The following INPP5F variants were observed in gnomAD, a reference collection of about 807,000 sequenced individuals.
INPP5F encodes the protein inositol polyphosphate-5-phosphatase F, also known as phosphatidylinositide 4-phosphatase SAC2.
A neutral mutation model predicts 137.2 loss-of-function variants in INPP5F; 97 were observed. The observed-to-expected ratio is 0.71, with a 90% CI of 0.60 to 0.84. The LOEUF is 0.84. Ranked by LOEUF, INPP5F falls within the 40% of genes least tolerant of loss-of-function variation. INPP5F has a pLI of 0.00. For synonymous variants in INPP5F, 504 were observed against 476.9 expected (o/e 1.06, Z -0.74); for missense variants, 1,271 against 1,371.9 (o/e 0.93, Z 1.16).
At chr10:119,738,189 G>A (rs1055841190) in intron 1 of INPP5F, among the ~76,000 whole-genome samples, 5 of 152,158 alleles carry the variant, frequency 3.3e-5, no homozygotes, top group African/African-American at 1.2e-4. Flanking sequence ...TTATGACTTA[G>A]GGTGTATGTT....
At chr10:119,739,576 C>T (rs1047626392) in intron 1 of INPP5F, among the ~76,000 whole-genome samples, 7 of 152,116 alleles carry the variant, frequency 4.6e-5, no homozygotes, top group Non-Finnish European at 1.0e-4. Flanking sequence ...TGTAAATAGC[C>T]ATAGAATTAA....
intron 1 of INPP5F, among the ~76,000 whole-genome samples, chr10:119,730,685 C>G (rs1256906340): frequency 6.6e-6 from 1 of 152,110 alleles, no homozygotes; most frequent in Non-Finnish European, 1.5e-5. Flanking sequence ...TGTTCTGAGA[C>G]TGAGCGACCA....
intron 3 of INPP5F, among the ~76,000 whole-genome samples, chr10:119,783,404 C>T (rs1346762765): frequency 6.6e-6 from 1 of 152,150 alleles, no homozygotes; most frequent in Non-Finnish European, 1.5e-5. Flanking sequence ...AGATGGGAAC[C>T]AGCCCGCCCA....
chr10:119,746,430 T>C (rs1201118944), intron 1 of INPP5F, among the ~76,000 whole-genome samples: 1 of 152,184 alleles, frequency 6.6e-6, no homozygotes, highest in Non-Finnish European at 1.5e-5. Flanking sequence ...TAGCTGGAGC[T>C]CTTTCCTTAG....
At chr10:119,817,846 A>T (rs1851339584) in intron 15 of INPP5F, among the ~76,000 whole-genome samples, 1 of 152,242 alleles carries the variant, frequency 6.6e-6, no homozygotes, top group Non-Finnish European at 1.5e-5. Flanking sequence ...GATTTTAAAA[A>T]ATATTGCACC....
At chr10:119,815,025 C>A (rs1564849021) in intron 15 of INPP5F, among the ~76,000 whole-genome samples, 1 of 152,030 alleles carries the variant, frequency 6.6e-6, no homozygotes, top group Non-Finnish European at 1.5e-5. Flanking sequence ...GACACCACGC[C>A]CGGCTAATTT....
rs1307326083 is a variant in INPP5F at position 119,805,428 on chromosome 10, T to C, written c.1286T>C (p.Ile429Thr). Residue 429 changes from isoleucine (I) to threonine (T), a missense_variant, in exon 11 of 20, where the codon ATT becomes ACT. By Grantham distance (89) the Ile-to-Thr change is moderately conservative (BLOSUM62 -1). Coordinates refer to ENST00000650623, the MANE Select transcript of INPP5F (RefSeq NM_014937.4). ...AATGTTCAGACACTAACAGATGCCA[T>C]TTATGACATTATTCTTGATATGAAG... The part of the protein sequence containing the change: ...FENVQTLTDA[I>T]YDIILDMKWC... 12 of 1,612,966 alleles carry C rather than the reference T, an allele frequency of 7.4e-6. No individual in the cohort carries two copies. Among genetic ancestry groups the C allele is most frequent in the Non-Finnish European group, 1.0e-5 (12 of 1,179,060 alleles).
At chr10:119,790,317 T>G (rs192076395) in intron 3 of INPP5F, among the ~76,000 whole-genome samples, 85 of 152,278 alleles carry the variant, frequency 5.6e-4, no homozygotes, top group African/African-American at 1.9e-3. Context: ...TGAAGGGAAA[T>G]AAAGTGAGCT....
intron 2 of INPP5F, among the ~76,000 whole-genome samples, chr10:119,756,683 A>C (rs1341836485): frequency 6.6e-6 from 1 of 152,138 alleles, no homozygotes; most frequent in Non-Finnish European, 1.5e-5. Flanking sequence ...TCACTAAAAG[A>C]CTACATTGTG....
chr10:119,742,561 GAT>G (rs1848408128), intron 1 of INPP5F, among the ~76,000 whole-genome samples: 1 of 152,200 alleles, frequency 6.6e-6, no homozygotes, highest in South Asian at 2.1e-4. Context: ...TTATTGAGGA[GAT>G]ACCTCCAATA....
chr10:119,798,429 T>G, intron 8 of INPP5F, 114 bp from the exon 9 acceptor site: 1 of 283,976 alleles, frequency 3.5e-6, no homozygotes. Context: ...TTAGACAATC[T>G]TAGTTCATTT....
intron 18 of INPP5F, 46 bp from the exon 19 acceptor site, chr10:119,823,769 A>T (rs1037040915): frequency 2.1e-6 from 3 of 1,426,000 alleles, no homozygotes; most frequent in African/African-American, 2.8e-5. Context: ...TATTTTTTTT[A>T]GTATGTTTAT....
At chr10:119,805,515 A>T (rs1011775178) in intron 11 of INPP5F, 54 bp downstream of exon 11, 2 of 1,184,232 alleles carry the variant, frequency 1.7e-6, no homozygotes, top group African/African-American at 1.5e-5. Context: ...GTAAAATAGT[A>T]CCACTGAGCA....
Position 119,829,047 on chromosome 10 carries a change from T to C in INPP5F, c.*1267T>C, listed in dbSNP as rs182992395. On this transcript the variant is annotated 3_prime_UTR_variant, in exon 20 of 20. Coordinates refer to ENST00000650623, the MANE Select transcript of INPP5F (RefSeq NM_014937.4). ...TCAACTGAACATTATGTCGTTACTT[T>C]GATAAGCATTCCACTTTTGTTATTT... 3 of 152,798 alleles carry C rather than the reference T, an allele frequency of 2.0e-5. No individual in the cohort carries two copies. The East Asian group carries it at 5.8e-4, about 29-fold the overall frequency. 9.5% of individuals were successfully genotyped at this position (152,798 alleles called of 1,614,324 possible).
rs377003103 is a variant in INPP5F at position 119,827,569 on chromosome 10, G to A, written c.3188G>A (p.Ser1063Asn). 7 of 1,614,016 alleles carry A rather than the reference G, an allele frequency of 4.3e-6. No individual in the cohort carries two copies. The African/African-American group carries it at 9.3e-5, about 22-fold the overall frequency. ...LHVTPSPSES[S>N]SSRAVSPFAK... ...GTAACTCCTTCTCCTTCAGAGAGCA[G>A]TAGCAGCAGAGCAGTCTCTCCCTTT... Residue 1063 changes from serine to asparagine, a missense_variant, in exon 20 of 20, where the codon AGT becomes AAT. Ser to Asn is a conservative substitution (Grantham distance 46). Around this residue, in one of 6 missense-constraint regions of INPP5F, gnomAD observed 490 missense variants for 443.7 expected, o/e 1.10. Coordinates refer to ENST00000650623, the MANE Select transcript of INPP5F (RefSeq NM_014937.4).
At chr10:119,822,111 A>C (rs1851592333) in intron 16 of INPP5F, among the ~76,000 whole-genome samples, 1 of 151,936 alleles carries the variant, frequency 6.6e-6, no homozygotes, top group Admixed American at 6.6e-5. Flanking sequence ...GCTGGTCTCG[A>C]ACTCCTGACC....
At chr10:119,745,634 C>G (rs1246716647) in intron 1 of INPP5F, among the ~76,000 whole-genome samples, 1 of 151,072 alleles carries the variant, frequency 6.6e-6, no homozygotes, top group African/African-American at 2.4e-5. Flanking sequence ...AATCCCTGGC[C>G]GTAATCTTAT....
chr10:119,746,033 C>T (rs986812125), intron 1 of INPP5F, among the ~76,000 whole-genome samples: 16 of 152,074 alleles, frequency 1.1e-4, no homozygotes, highest in Admixed American at 1.3e-4. Flanking sequence ...AGTTTTTCCA[C>T]AGTTGGCCTT....
intron 1 of INPP5F, among the ~76,000 whole-genome samples, chr10:119,726,607 C>T (rs1262930994): frequency 1.3e-5 from 2 of 152,210 alleles, no homozygotes; most frequent in Non-Finnish European, 2.9e-5. Context: ...CTTCCCACCG[C>T]GTCACGCGGC....
Sources: allele counts gnomAD v4.1 joint callset (sites outside exome capture counted in the v4.1 genomes callset), GRCh38; gene constraint gnomAD v4.1.1; regional missense constraint gnomAD v4.1.1; transcripts MANE v1.5; gene names NCBI Gene and HGNC (gene_info 2026-07-23, HGNC 2026-07-21).